Variants in CTDSPL2 observed in about 807,000 individuals in gnomAD.
CTDSPL2 encodes the protein CTD small phosphatase-like protein 2.
CTDSPL2 carries 5 observed loss-of-function variants against 60.0 expected under a neutral mutation model. That is an observed-to-expected ratio of 0.08 (90% CI 0.04 to 0.18). The LOEUF is 0.18. CTDSPL2 is among the 10% of genes least tolerant of loss of function. The pLI, the probability that CTDSPL2 is intolerant of heterozygous loss-of-function variation, is 1.00. For synonymous variants in CTDSPL2, 186 were observed against 189.3 expected (o/e 0.98, Z 0.14); for missense variants, 370 against 548.8 (o/e 0.67, Z 3.26).
rs2081896120 is a variant in CTDSPL2 at position 44,527,638 on chromosome 15, CTCTT to C, written c.*3466_*3469del. 1.3e-5 allele frequency: 2 copies of C among 152,186 alleles called. No individual in the cohort carries two copies. The highest frequency in any genetic ancestry group is 2.9e-5 in the Non-Finnish European group (2 of 68,016). 9.4% of individuals were successfully genotyped at this position (152,186 alleles called of 1,614,324 possible). A position where few individuals can be genotyped will look rare whatever the true frequency, so the allele number is the denominator to read the frequency against. On this transcript the variant is annotated 3_prime_UTR_variant, in exon 13 of 13. Transcript: ENST00000260327. ...TAGTTAAGGTTTTCTGACCTGACTTCTCTTTGTCTTCCTAGGTATTTATTTGTTA... is the reference window on the plus strand; with the variant it reads ...TAGTTAAGGTTTTCTGACCTGACTTCTGTCTTCCTAGGTATTTATTTGTTA...
At chr15:44,458,475 T>C (rs185098672) in intron 1 of CTDSPL2, among the ~76,000 whole-genome samples, 66 of 152,308 alleles carry the variant, frequency 4.3e-4, no homozygotes, top group Non-Finnish European at 5.1e-4. Flanking sequence ...GTTACACTTA[T>C]ATGGTTGTTG....
Position 44,516,208 on chromosome 15 carries a change from T to G in CTDSPL2, c.1112+1364T>G, listed in dbSNP as rs545708614. Among the ~76,000 whole-genome samples, 9 of 152,192 alleles carry G rather than the reference T, an allele frequency of 5.9e-5. No homozygotes were observed. The East Asian group carries it at 1.7e-3, about 30-fold the overall frequency. ...GTCTTGAACTCCTGACCTCAAGTGATCCACCCACTTTGGCCTCCCAAACTG... is the reference window on the plus strand; with the variant it reads ...GTCTTGAACTCCTGACCTCAAGTGAGCCACCCACTTTGGCCTCCCAAACTG... On this transcript the variant is annotated intron_variant, in intron 10 of 12. Transcript: ENST00000260327.
At chr15:44,448,539 T>A (rs1384382374) in intron 1 of CTDSPL2, 1 of 284,884 alleles carries the variant, frequency 3.5e-6, no homozygotes, top group Non-Finnish European at 6.9e-6. Flanking sequence ...ATCTTCCCTA[T>A]CCTAAGTGTA....
intron 1 of CTDSPL2, among the ~76,000 whole-genome samples, chr15:44,430,540 C>A (rs929921002): frequency 6.6e-6 from 1 of 151,976 alleles, no homozygotes; most frequent in African/African-American, 2.4e-5. Flanking sequence ...TGCCACCAAG[C>A]CGAGTCCAAA....
intron 8 of CTDSPL2, among the ~76,000 whole-genome samples, chr15:44,513,122 C>T (rs542634875): frequency 6.6e-6 from 1 of 151,620 alleles, no homozygotes; most frequent in Admixed American, 6.6e-5. Context: ...CTTTATCTAG[C>T]CCAGAGATGG....
At chr15:44,514,884 T>A in intron 10 of CTDSPL2, 40 bp downstream of exon 10, 1 of 1,163,338 alleles carries the variant, frequency 8.6e-7, no homozygotes, top group East Asian at 2.4e-5. Flanking sequence ...TCTGTCACAC[T>A]GATCTATGAA....
intron 1 of CTDSPL2, among the ~76,000 whole-genome samples, chr15:44,458,291 GT>G (rs1432423176): frequency 6.6e-6 from 1 of 152,160 alleles, no homozygotes; most frequent in Non-Finnish European, 1.5e-5. Flanking sequence ...TTCTAATTCA[GT>G]TATGTCTTTA....
intron 2 of CTDSPL2, among the ~76,000 whole-genome samples, chr15:44,480,704 G>A (rs1374355118): frequency 1.3e-5 from 2 of 151,928 alleles, no homozygotes; most frequent in Non-Finnish European, 2.9e-5. Context: ...GTGATGTTAT[G>A]TGTCTGTATT....
intron 4 of CTDSPL2, among the ~76,000 whole-genome samples, chr15:44,489,190 C>G (rs2081176629): frequency 7.6e-6 from 1 of 130,912 alleles, no homozygotes; most frequent in African/African-American, 2.8e-5. Context: ...CTCTGTGTCT[C>G]TGTTTTATTT....
chr15:44,523,405 T>TA (rs1310815256), intron 12 of CTDSPL2, among the ~76,000 whole-genome samples: 3 of 137,950 alleles, frequency 2.2e-5, no homozygotes, highest in Admixed American at 1.4e-4. Flanking sequence ...CATACATACA[T>TA]ACATACATAC....
At chr15:44,473,995 A>C (rs1413202700) in intron 2 of CTDSPL2, among the ~76,000 whole-genome samples, 1 of 152,028 alleles carries the variant, frequency 6.6e-6, no homozygotes, top group Non-Finnish European at 1.5e-5. Flanking sequence ...CACCGGGCTA[A>C]TTTTTATATT....
intron 2 of CTDSPL2, among the ~76,000 whole-genome samples, chr15:44,479,407 C>CTT (rs11414036): frequency 0.028 from 2,696 of 97,848 alleles, 163 homozygotes; most frequent in African/African-American, 0.064. Flanking sequence ...ATTTTCTTTC[C>CTT]TTTTTTTTTT....
intron 12 of CTDSPL2, among the ~76,000 whole-genome samples, chr15:44,522,519 GAGGC>G (rs2081798396): frequency 6.6e-6 from 1 of 152,086 alleles, no homozygotes; most frequent in African/African-American, 2.4e-5. Flanking sequence ...TTGGGAGGCC[GAGGC>G]AGGCAGATCA....
At chr15:44,492,222 A>T (rs1277480125) in intron 5 of CTDSPL2, among the ~76,000 whole-genome samples, 2 of 152,068 alleles carry the variant, frequency 1.3e-5, no homozygotes, top group African/African-American at 4.8e-5. Context: ...TGTAGTCCTA[A>T]TTACTCAGGA....
intron 2 of CTDSPL2, among the ~76,000 whole-genome samples, chr15:44,474,000 T>G (rs2080862310): frequency 6.6e-6 from 1 of 152,114 alleles, no homozygotes; most frequent in Admixed American, 6.5e-5. Flanking sequence ...GGCTAATTTT[T>G]ATATTTTATA....
intron 5 of CTDSPL2, among the ~76,000 whole-genome samples, chr15:44,495,437 C>T (rs964741779): frequency 6.6e-6 from 1 of 151,758 alleles, no homozygotes; most frequent in African/African-American, 2.4e-5. Context: ...AATAATTAGC[C>T]AGGTGTGGTG....
chr15:44,501,576 C>CTGTA (rs2081381629), intron 8 of CTDSPL2, among the ~76,000 whole-genome samples: 1 of 152,050 alleles, frequency 6.6e-6, no homozygotes, highest in African/African-American at 2.4e-5. Flanking sequence ...AATTAAAATA[C>CTGTA]TGTATGTATG....
At chr15:44,460,956 A>G (rs566759973) in intron 2 of CTDSPL2, among the ~76,000 whole-genome samples, 2 of 150,434 alleles carry the variant, frequency 1.3e-5, no homozygotes, top group African/African-American at 5.0e-5. Context: ...TAGTTGTCAT[A>G]AAGTGCGTCC....
intron 8 of CTDSPL2, among the ~76,000 whole-genome samples, chr15:44,504,847 G>A (rs577749779): frequency 2.0e-5 from 3 of 152,062 alleles, no homozygotes; most frequent in Non-Finnish European, 2.9e-5. Flanking sequence ...ATAGTATAGA[G>A]GATAAAACTA....
Sources: allele counts gnomAD v4.1 joint callset (sites outside exome capture counted in the v4.1 genomes callset), GRCh38; gene constraint gnomAD v4.1.1; transcripts MANE v1.5; gene names NCBI Gene and HGNC (gene_info 2026-07-23, HGNC 2026-07-21).